The following TTN variants were observed in gnomAD, a reference collection of about 807,000 sequenced individuals.
TTN encodes the protein titin.
TTN carries 1,525 observed loss-of-function variants against 3,223.0 expected under a neutral mutation model. The observed-to-expected ratio is 0.47, with a 90% CI of 0.45 to 0.49. TTN has a LOEUF of 0.49. Ranked by LOEUF, TTN falls within the 20% of genes least tolerant of loss-of-function variation. The pLI is 0.00. For missense variants in TTN, 40,786 were observed against 43,424.0 expected, an observed-to-expected ratio of 0.94 and a Z score of 5.40; for synonymous variants, 14,094 against 15,161.0, an observed-to-expected ratio of 0.93 and a Z score of 5.17.
chr2:178,551,206 T>G lies in TTN; in HGVS notation c.91325A>C (p.Lys30442Thr), dbSNP rs370086155. 21 of 1,613,408 alleles carry G rather than the reference T, an allele frequency of 1.3e-5. No individual in the cohort carries two copies. In the African/African-American group the frequency reaches 2.7e-4, roughly 21 times the overall value. ...TCCATCACGCAATGGTGGGTTCCAT[T>G]TAAGTGTGATGGTTTCCCGGGTGAC... Reference protein sequence around the residue: ...IDVTRETITLKWNPPLRDGGS... With the variant: ...IDVTRETITLTWNPPLRDGGS... Residue 30442 changes from lysine (K) to threonine (T), a missense_variant, in exon 336 of 363, where the codon AAA (lysine) becomes ACA (threonine). By Grantham distance (78) the Lys-to-Thr change is moderately conservative. Coordinates refer to ENST00000589042, the MANE Select transcript of TTN (RefSeq NM_001267550.2).
chr2:178,740,343 C>T lies in TTN; in HGVS notation c.12890G>A (p.Cys4297Tyr), dbSNP rs1288499308. The T allele has an allele frequency of 1.2e-6, 2 of 1,613,740 alleles. No individual in the cohort carries two copies. Among genetic ancestry groups the T allele is most frequent in the Non-Finnish European group, 1.7e-6 (2 of 1,179,776 alleles). The change falls in exon 48 of 363, where the codon TGC becomes TAC. Residue 4297 changes from cysteine to tyrosine, a missense_variant. Transcript: ENST00000589042. ...TATCAAAATTTTACCTCCTTCTGTG[C>T]ATGAGTGTTCTGAAGGGACTAGGGG... is the stretch of plus-strand genomic sequence containing the variant. ...YEPLVPSEHS[C>Y]TEGGKILIES... is the part of the protein sequence containing the mutation.
Position 178,598,392 on chromosome 2 carries a change from A to G in TTN, c.57111+114T>C, listed in dbSNP as rs72646830. 10 of 1,284,424 alleles carry G rather than the reference A, an allele frequency of 7.8e-6. No individual in the cohort carries two copies. The Admixed American group carries it at 1.8e-4, about 23-fold the overall frequency. The allele number at this position is 1,284,424 out of a possible 1,614,324, so 79.6% of individuals were successfully genotyped here. A position where few individuals can be genotyped will look rare whatever the true frequency, so the allele number is the denominator to read the frequency against. ...TTGGAATGTGAGTTAAAATTATGCT[A>G]TTTTCCTGATTTCTTAATCCAAAAA... On this transcript the variant is annotated intron_variant, in intron 292 of 362. Transcript: ENST00000589042.
chr2:178,611,543 T>C lies in TTN; in HGVS notation c.50686A>G (p.Thr16896Ala). Residue 16896 changes from threonine to alanine, a missense_variant, in exon 269 of 363, where the codon ACT becomes GCT. Transcript: ENST00000589042. The stretch of plus-strand genomic sequence containing the variant: ...GAATTAACTCTCATCCATTTCTCAG[T>C]GCCTACTGGACACATTTCAACATGG... ...GYHVEMCPVG[T>A]EKWMRVNSRP... is the part of the protein sequence containing the mutation. 1.9e-6 allele frequency: 3 copies of C among 1,613,050 alleles called. No homozygotes were observed. The highest frequency in any genetic ancestry group is 2.5e-6 in the Non-Finnish European group (3 of 1,179,310).
In TTN at chr2:178,724,403, C is replaced by A. The variant is rs373585016; in HGVS notation, c.20972G>T (p.Ser6991Ile). 4 of 1,613,568 alleles carry A rather than the reference C, an allele frequency of 2.5e-6. No individual in the cohort carries two copies. The highest frequency in any genetic ancestry group is 4.5e-5 in the East Asian group (2 of 44,852). The change falls in exon 72 of 363, where the codon AGC becomes ATC. Residue 6991 changes from serine to isoleucine, a missense_variant. By Grantham distance (142) the Ser-to-Ile change is moderately radical (BLOSUM62 -2). Coordinates refer to ENST00000589042, the MANE Select transcript of TTN (RefSeq NM_001267550.2). The part of the protein sequence containing the change: ...WYKDGKLLTS[S>I]QKHKFSFYNK... ...GTAGAAGCTAAATTTGTGTTTTTGG[C>A]TGCTGGTCAACAGCTTTCCATCCTT...
chr2:178,779,246 C>A lies in TTN; in HGVS notation c.3946G>T (p.Gly1316Ter). Residue 1316 changes from glycine (G) to a stop codon, truncating the protein, a stop_gained, in exon 23 of 363, where the codon GGA becomes TGA. Coordinates refer to ENST00000589042, the MANE Select transcript of TTN (RefSeq NM_001267550.2). LOFTEE classifies it high-confidence loss of function. ...TATTTTACCTTTGGTAATGGATATC[C>A]AGACATCTTGCAATGAAAAGTGACA... is the stretch of plus-strand genomic sequence containing the variant. ...MGVTFHCKMS[G>*]YPLPKIAWYK... 6.2e-7 allele frequency: 1 copy of A among 1,613,624 alleles called. No homozygotes were observed. The highest frequency in any genetic ancestry group is 8.5e-7 in the Non-Finnish European group (1 of 1,179,834).
chr2:178,674,921 T>C (rs2067709577), intron 150 of TTN, 118 bp downstream of exon 150: 1 of 526,546 alleles, frequency 1.9e-6, no homozygotes, highest in Non-Finnish European at 3.2e-6. Flanking sequence ...AATAATTTAT[T>C]TTAGAATCTG....
In TTN at chr2:178,688,149, C is replaced by T. The variant is rs1343723064; in HGVS notation, c.32273G>A (p.Arg10758Lys). 2 of 1,613,014 alleles carry T rather than the reference C, an allele frequency of 1.2e-6. No homozygotes were observed. The highest frequency in any genetic ancestry group is 2.2e-5 in the East Asian group (1 of 44,852). ...AACCTCTGCTTCTTCCTCCTCCTCT[C>T]TTTCTTCTTCTCTATAAACTGAAAT... ...VSISVYREEE[R>K]EEEEEAEVTE... is the part of the protein sequence containing the mutation. Residue 10758 changes from arginine (R) to lysine (K), a missense_variant, in exon 127 of 363, where the codon AGA becomes AAA. Physicochemically the swap from Arg to Lys is conservative, Grantham distance 26 (BLOSUM62 2). Coordinates refer to ENST00000589042, the MANE Select transcript of TTN (RefSeq NM_001267550.2).
At chr2:178,639,901 T>G in intron 222 of TTN, 113 bp from the exon 223 acceptor site, 1 of 1,425,030 alleles carries the variant, frequency 7.0e-7, no homozygotes, top group Non-Finnish European at 9.6e-7. Flanking sequence ...ATAACTAGTT[T>G]TTAAGAGAAT....
Position 178,721,978 on chromosome 2 carries a change from G to C in TTN, c.22685C>G (p.Thr7562Arg). The change falls in exon 78 of 363, where the codon ACA becomes AGA. Residue 7562 changes from threonine to arginine, a missense_variant. Thr to Arg is a moderately conservative substitution (Grantham distance 71). Transcript: ENST00000589042. Reference sequence around the variant, plus strand: ...AGGAGTGTTTCCCACACATGTGATTGTATAGTTTCCTCCAGGACGGATCTC... The same window carrying C: ...AGGAGTGTTTCCCACACATGTGATTCTATAGTTTCCTCCAGGACGGATCTC... ...NKEIRPGGNY[T>R]ITCVGNTPHL... 6.2e-7 allele frequency: 1 copy of C among 1,613,610 alleles called. No individual in the cohort carries two copies. Among genetic ancestry groups the C allele is most frequent in the East Asian group, 2.2e-5 (1 of 44,864 alleles).
chr2:178,767,908 CCTT>C lies in TTN; in HGVS notation c.9319_9321del (p.Lys3107del), dbSNP rs763103569. On this transcript the variant is annotated inframe_deletion, in exon 40 of 363. Coordinates refer to ENST00000589042, the MANE Select transcript of TTN (RefSeq NM_001267550.2). ...ATCAGAAGGCGGTGGACATATTTCT[CCTT>C]CTGAATCTTTATTCTATGGATGAAA... The C allele has an allele frequency of 3.1e-6, 5 of 1,614,044 alleles. No individual in the cohort carries two copies. Among genetic ancestry groups the C allele is most frequent in the Admixed American group, 3.3e-5 (2 of 60,012 alleles).
At chr2:178,790,890 A>G in intron 10 of TTN, 45 bp from the exon 11 acceptor site, 1 of 1,609,428 alleles carries the variant, frequency 6.2e-7, no homozygotes, top group Non-Finnish European at 8.5e-7. Context: ...AAAAGATACA[A>G]AAGCAATGGG....
chr2:178,620,191 A>C, intron 248 of TTN, 26 bp downstream of exon 248: 1 of 1,552,968 alleles, frequency 6.4e-7, no homozygotes, highest in Middle Eastern at 1.7e-4. Flanking sequence ...AGCTACAGAA[A>C]TAGAGAATAA....
At position 178,790,770 on chromosome 2, in the gene TTN, C is replaced by A; in HGVS notation, c.1738G>T (p.Val580Phe). The A allele has an allele frequency of 3.1e-6, 5 of 1,614,112 alleles. No individual in the cohort carries two copies. The highest frequency in any genetic ancestry group is 4.2e-6 in the Non-Finnish European group (5 of 1,180,002). The change falls in exon 11 of 363, where the codon GTC (valine) becomes TTC (phenylalanine). Residue 580 changes from valine (V) to phenylalanine (F), a missense_variant. By Grantham distance (50) the Val-to-Phe change is conservative. Coordinates refer to ENST00000589042, the MANE Select transcript of TTN (RefSeq NM_001267550.2). ...ATAKSTKLETVPGAQEETTTQ... is the reference protein window; with the variant it reads ...ATAKSTKLETFPGAQEETTTQ... ...GTAGTTTCTTCTTGAGCTCCCGGGA[C>A]TGTTTCTAGTTTTGTGGACTTTGCA...
rs983076176 is a variant in TTN at position 178,596,022 on chromosome 2, G to A, written c.57545-213C>T. ...TTTTTTTTTTTGAGATGGGAGTCTC[G>A]CTCTGTCACCCAGGCTGGAGTTCAG... On this transcript the variant is annotated intron_variant, in intron 294 of 362. Transcript: ENST00000589042. 4.0e-5 allele frequency among the ~76,000 whole-genome samples: 5 copies of A among 124,902 alleles called. No homozygotes were observed. In the East Asian group the frequency reaches 6.9e-4, roughly 17 times the overall value. 81.9% of individuals were successfully genotyped at this position (124,902 alleles called of 152,430 possible).
rs754249503 is a variant in TTN, at chr2:178,777,300, T to A, written c.4663A>T (p.Lys1555Ter). The change falls in exon 27 of 363, where the codon AAA becomes TAA. Residue 1555 changes from lysine (K) to a stop codon, truncating the protein, a stop_gained. Transcript: ENST00000589042. LOFTEE classifies it high-confidence loss of function. ...TTCAGTTTTTCTACAAACATCGGTT[T>A]TACCTGATGTTCCACAGCTGAAAGA... ...LTVEAVEHQVKPMFVEKLKNV... is the reference protein window; with the variant it reads ...LTVEAVEHQV The A allele has an allele frequency of 6.2e-7, 1 of 1,613,920 alleles. No individual in the cohort carries two copies. The highest frequency in any genetic ancestry group is 1.7e-5 in the Admixed American group (1 of 60,006).
Position 178,607,463 on chromosome 2 carries a change from T to C in TTN, c.53225A>G (p.Tyr17742Cys). 1 of 1,613,224 alleles carries C rather than the reference T, an allele frequency of 6.2e-7. No homozygotes were observed. The change falls in exon 277 of 363, where the codon TAT becomes TGT. Residue 17742 changes from tyrosine (Y) to cysteine (C), a missense_variant. Transcript: ENST00000589042. ...ACAGCTATTTGTAGCTGTAATCACA[T>C]ATCTGCCATGGTCTTTTCGCAGTGC... ...KDALRKDHGR[Y>C]VITATNSCGS...
rs1259780221 is a variant in TTN, at chr2:178,622,693, C to G, written c.44890G>C (p.Glu14964Gln). 1 of 1,606,914 alleles carries G rather than the reference C, an allele frequency of 6.2e-7. No individual in the cohort carries two copies. ...REKEMARFEC[E>Q]LSRENAKVKW... ...ACCTTAGCATTTTCTCGGGAAAGTT[C>G]ACACTCAAATCGAGCCATTTCTTTT... is the stretch of plus-strand genomic sequence containing the variant. The change falls in exon 243 of 363, where the codon GAA becomes CAA. Residue 14964 changes from glutamate to glutamine, a missense_variant. Coordinates refer to ENST00000589042, the MANE Select transcript of TTN (RefSeq NM_001267550.2).
chr2:178,695,521 A>G (rs2154282588), intron 114 of TTN, 111 bp from the exon 115 acceptor site: 1 of 835,640 alleles, frequency 1.2e-6, no homozygotes, highest in South Asian at 1.9e-5. Context: ...GTGAAGTATT[A>G]TATTTGGGAT....
In TTN at chr2:178,775,055, T is replaced by C. The variant is rs1482793298; in HGVS notation, c.6656A>G (p.Lys2219Arg). The change falls in exon 29 of 363, where the codon AAA becomes AGA. Residue 2219 changes from lysine (K) to arginine (R), a missense_variant. Transcript: ENST00000589042. ...CTTTCTGTCAGAGTGCATCCTGTATTTATCTCCCTCATGAACCTCCATACC... is the reference window on the plus strand; with the variant it reads ...CTTTCTGTCAGAGTGCATCCTGTATCTATCTCCCTCATGAACCTCCATACC... ...KDGMEVHEGD[K>R]YRMHSDRKVH... 6.2e-7 allele frequency: 1 copy of C among 1,614,056 alleles called. No homozygotes were observed. Among genetic ancestry groups the C allele is most frequent in the Admixed American group, 1.7e-5 (1 of 60,010 alleles).
Sources: allele counts gnomAD v4.1 joint callset (sites outside exome capture counted in the v4.1 genomes callset), GRCh38; gene constraint gnomAD v4.1.1; transcripts MANE v1.5; gene names NCBI Gene and HGNC (gene_info 2026-07-23, HGNC 2026-07-21).